Variants in NFIB observed in about 807,000 individuals in gnomAD.
NFIB encodes the protein nuclear factor 1 B-type.
Under a neutral mutation model 61.5 loss-of-function variants are expected in NFIB, and 11 were observed. The ratio of observed to expected loss-of-function variants is 0.18; its 90% CI spans 0.11 to 0.30. The LOEUF is 0.30. Ranked by LOEUF, NFIB falls within the 10% of genes least tolerant of loss-of-function variation. The probability of loss-of-function intolerance (pLI) is 1.00; values close to 1 mark genes in which losing one functional copy is unlikely to be tolerated. For missense variants in NFIB, 471 were observed against 608.9 expected (o/e 0.77, Z 2.38); for synonymous variants, 260 against 216.5 (o/e 1.20, Z -1.76).
chr9:14,311,623 CCT>C (rs1195569824), intron 1 of NFIB, among the ~76,000 whole-genome samples: 1 of 152,112 alleles, frequency 6.6e-6, no homozygotes, highest in East Asian at 1.9e-4. Flanking sequence ...CCCAACATTC[CCT>C]GTCTCAATGC....
intron 3 of NFIB, among the ~76,000 whole-genome samples, chr9:14,178,381 C>T (rs1295405929): frequency 6.6e-6 from 1 of 152,078 alleles, no homozygotes; most frequent in East Asian, 1.9e-4. Flanking sequence ...TCACACACAA[C>T]AAAATAAAAT....
At chr9:14,428,308 A>G in the NFIB span, among the ~76,000 whole-genome samples, 2 of 152,124 alleles carry the variant, frequency 1.3e-5, no homozygotes, top group Non-Finnish European at 2.9e-5. Flanking sequence ...CAGAATTTGA[A>G]TCCATTTTAT....
chr9:14,454,557 C>T, the NFIB span, among the ~76,000 whole-genome samples: 8 of 152,100 alleles, frequency 5.3e-5, no homozygotes, highest in African/African-American at 1.9e-4. Flanking sequence ...TGTTTTCTTA[C>T]CATTTTCTCT....
the NFIB span, among the ~76,000 whole-genome samples, chr9:14,470,950 G>A: frequency 2.0e-5 from 3 of 152,188 alleles, no homozygotes; most frequent in Non-Finnish European, 4.4e-5. Flanking sequence ...AAACAGAAAT[G>A]ATGAGGCAGG....
intron 1 of NFIB, among the ~76,000 whole-genome samples, chr9:14,355,138 G>C (rs1267311574): frequency 6.6e-6 from 1 of 152,140 alleles, no homozygotes; most frequent in Non-Finnish European, 1.5e-5. Context: ...GCTGAACTGT[G>C]CCACTCCAAA....
intron 2 of NFIB, among the ~76,000 whole-genome samples, chr9:14,250,198 T>G (rs745761291): frequency 6.6e-6 from 1 of 152,208 alleles, no homozygotes; most frequent in Non-Finnish European, 1.5e-5. Flanking sequence ...ACTTTTGTGC[T>G]GAGTCAAGGA....
intron 2 of NFIB, among the ~76,000 whole-genome samples, chr9:14,200,360 C>G (rs1011421615): frequency 3.9e-5 from 6 of 152,016 alleles, no homozygotes; most frequent in African/African-American, 7.2e-5. Context: ...AACCCAGGAC[C>G]CCAGAATCTG....
upstream of NFIB, among the ~76,000 whole-genome samples, chr9:14,315,328 C>A (rs1301763369): frequency 1.3e-5 from 2 of 151,048 alleles, no homozygotes; most frequent in Non-Finnish European, 3.0e-5. Context: ...CACGTGGCCT[C>A]GCTCTGAGCG....
intron 4 of NFIB, among the ~76,000 whole-genome samples, chr9:14,155,390 C>T (rs968331389): frequency 4.6e-5 from 7 of 152,194 alleles, no homozygotes; most frequent in South Asian, 2.1e-4. Flanking sequence ...CATCCCTCTA[C>T]ACTCTGCACG....
chr9:14,296,889 T>C (rs2059478024), intron 2 of NFIB, among the ~76,000 whole-genome samples: 1 of 152,266 alleles, frequency 6.6e-6, no homozygotes, highest in Admixed American at 6.5e-5. Flanking sequence ...TACTTTAATT[T>C]GCACATTATT....
intron 2 of NFIB, chr9:14,204,336 C>T (rs907909775): frequency 2.6e-6 from 2 of 762,698 alleles, no homozygotes; most frequent in East Asian, 2.5e-5. Context: ...GTGGTCAACC[C>T]CCTGTTTGAG....
chr9:14,340,082 T>A (rs1253936908), intron 1 of NFIB, among the ~76,000 whole-genome samples: 1 of 152,210 alleles, frequency 6.6e-6, no homozygotes, highest in Non-Finnish European at 1.5e-5. Context: ...CCTTTCTAGT[T>A]AGTGACAGAA....
the NFIB span, among the ~76,000 whole-genome samples, chr9:14,501,820 T>C: frequency 6.6e-6 from 1 of 152,186 alleles, no homozygotes; most frequent in Non-Finnish European, 1.5e-5. Context: ...TCCTCCTTCC[T>C]TCTCTCCCCC....
At chr9:14,413,349 T>C in the NFIB span, among the ~76,000 whole-genome samples, 1 of 152,172 alleles carries the variant, frequency 6.6e-6, no homozygotes, top group African/African-American at 2.4e-5. Context: ...GCATGCATGG[T>C]CTAGCTCATG....
chr9:14,440,932 G>A, the NFIB span, among the ~76,000 whole-genome samples: 21 of 152,266 alleles, frequency 1.4e-4, no homozygotes, highest in East Asian at 4.1e-3. Context: ...GAAAGGTGTT[G>A]TGTAGAACAT....
chr9:14,326,508 G>A (rs1160755081), intron 1 of NFIB, among the ~76,000 whole-genome samples: 3 of 152,110 alleles, frequency 2.0e-5, no homozygotes, highest in Admixed American at 6.5e-5. Context: ...TAGATCTGAT[G>A]ACATCTTCTA....
chr9:14,457,578 GT>G, the NFIB span, among the ~76,000 whole-genome samples: 7 of 148,208 alleles, frequency 4.7e-5, no homozygotes, highest in East Asian at 2.0e-4. Flanking sequence ...CCAGGAGCTG[GT>G]TTTTTTTTTG....
chr9:14,462,396 C>T, the NFIB span, among the ~76,000 whole-genome samples: 1 of 152,006 alleles, frequency 6.6e-6, no homozygotes, highest in African/African-American at 2.4e-5. Flanking sequence ...CATTCTCCTG[C>T]CTCAGCCTCC....
At chr9:14,159,015 CT>C (rs139462762) in intron 3 of NFIB, among the ~76,000 whole-genome samples, 6,772 of 152,184 alleles carry the variant, frequency 0.044, 404 homozygotes, top group African/African-American at 0.14. Flanking sequence ...AGTTCATTTC[CT>C]TATTACTCCA....
Sources: allele counts gnomAD v4.1 joint callset (sites outside exome capture counted in the v4.1 genomes callset), GRCh38; gene constraint gnomAD v4.1.1; transcripts MANE v1.5; gene names NCBI Gene and HGNC (gene_info 2026-07-23, HGNC 2026-07-21).